The following CACNA2D2 variants were observed in gnomAD, a reference collection of about 807,000 sequenced individuals.
The protein encoded by CACNA2D2 is calcium voltage-gated channel auxiliary subunit alpha2delta 2.
Under a neutral mutation model 166.4 loss-of-function variants are expected in CACNA2D2, and 48 were observed. The ratio of observed to expected loss-of-function variants is 0.29; its 90% CI spans 0.23 to 0.37. CACNA2D2 has a LOEUF of 0.37. Ranked by LOEUF, CACNA2D2 falls within the 10% of genes least tolerant of loss-of-function variation. The probability of loss-of-function intolerance (pLI) is 1.00; values close to 1 mark genes in which losing one functional copy is unlikely to be tolerated. For missense variants in CACNA2D2, 1,122 were observed against 1,433.0 expected (o/e 0.78, Z 3.50); for synonymous variants, 561 against 573.7 (o/e 0.98, Z 0.32).
At chr3:50,404,909 C>T (rs1012492454) in intron 3 of CACNA2D2, among the ~76,000 whole-genome samples, 25 of 152,166 alleles carry the variant, frequency 1.6e-4, no homozygotes, top group African/African-American at 6.0e-4. Context: ...ATTTAGGGTG[C>T]TAGGAAGCTC....
At chr3:50,444,481 T>C (rs1324304784) in intron 2 of CACNA2D2, among the ~76,000 whole-genome samples, 1 of 152,220 alleles carries the variant, frequency 6.6e-6, no homozygotes, top group African/African-American at 2.4e-5. Context: ...CTGGCATTCC[T>C]TAAAGATGGA....
chr3:50,365,142 AAAGAG>A lies in CACNA2D2; in HGVS notation c.3136_3140del (p.Leu1046CysfsTer30). ...TGCACAGCGGCTTCTCGGCCACCAC[AAAGAG>A]AAGATTGGTGTTGGTCAGTCTCTGC... On this transcript the variant is annotated frameshift_variant, in exon 36 of 38. Transcript: ENST00000424201. LOFTEE classifies it high-confidence loss of function. The surrounding 1 kb of genome is among the most constrained non-coding windows in gnomAD (Gnocchi z 4.5). The A allele has an allele frequency of 6.2e-7, 1 of 1,612,074 alleles. No homozygotes were observed. Among genetic ancestry groups the A allele is most frequent in the Non-Finnish European group, 8.5e-7 (1 of 1,179,660 alleles).
At chr3:50,488,449 C>T (rs769056902) in intron 1 of CACNA2D2, among the ~76,000 whole-genome samples, 27 of 152,094 alleles carry the variant, frequency 1.8e-4, no homozygotes, top group Non-Finnish European at 3.7e-4. Flanking sequence ...GAGCCTCTTC[C>T]CCCCGGCATC....
intron 2 of CACNA2D2, among the ~76,000 whole-genome samples, chr3:50,458,164 T>C (rs985576376): frequency 6.6e-6 from 1 of 152,216 alleles, no homozygotes; most frequent in African/African-American, 2.4e-5. Context: ...AGCAAAGCCC[T>C]TCCCCGCTGC....
chr3:50,391,241 G>A (rs1027075794), intron 4 of CACNA2D2, among the ~76,000 whole-genome samples: 2 of 152,198 alleles, frequency 1.3e-5, no homozygotes, highest in African/African-American at 4.8e-5. Context: ...CCCAGGGGAG[G>A]GCTGTCTCTT....
At chr3:50,399,490 T>G (rs1349428674) in intron 3 of CACNA2D2, among the ~76,000 whole-genome samples, 1 of 152,082 alleles carries the variant, frequency 6.6e-6, no homozygotes, top group Non-Finnish European at 1.5e-5. Context: ...GGGTGGAGGC[T>G]GGGGGTAGTA....
rs1343864972 is a variant in CACNA2D2 at position 50,379,481 on chromosome 3, G to C, written c.1103C>G (p.Thr368Ser). Residue 368 changes from threonine to serine, a missense_variant, in exon 11 of 38, where the codon ACC becomes AGC. Physicochemically the swap from Thr to Ser is moderately conservative, Grantham distance 58 (BLOSUM62 1). Coordinates refer to ENST00000424201, the MANE Select transcript of CACNA2D2 (RefSeq NM_006030.4). The surrounding 1 kb of genome is among the most constrained non-coding windows in gnomAD (Gnocchi z 6.5). ...CTCAAAGCCGGCCTTGTAGCCTGTG[G>C]TGCCCTTGGCCACCATGCCCTGCAC... ...EAVQGMVAKG[T>S]TGYKAGFEYA... The C allele has an allele frequency of 6.2e-7, 1 of 1,613,836 alleles. No homozygotes were observed. The highest frequency in any genetic ancestry group is 8.5e-7 in the Non-Finnish European group (1 of 1,180,028).
Position 50,367,706 on chromosome 3 carries a change from T to C in CACNA2D2, c.2235-2A>G. On this transcript the variant is annotated splice_acceptor_variant, in intron 25 of 37. Coordinates refer to ENST00000424201, the MANE Select transcript of CACNA2D2 (RefSeq NM_006030.4). LOFTEE classifies it high-confidence loss of function. This position sits in a 1 kb window ranked among gnomAD's most constrained non-coding sequence, Gnocchi z 6.5. ...GCGAACACGGCCAGTAGGCTGTACC[T>C]GGGGGTAGCAGGGGGGTGGGGTCAC... is the stretch of plus-strand genomic sequence containing the variant. 6.2e-7 allele frequency: 1 copy of C among 1,612,232 alleles called. No individual in the cohort carries two copies. Among genetic ancestry groups the C allele is most frequent in the Non-Finnish European group, 8.5e-7 (1 of 1,179,020 alleles).
chr3:50,485,561 G>A (rs1041456374), intron 1 of CACNA2D2, among the ~76,000 whole-genome samples: 1 of 152,154 alleles, frequency 6.6e-6, no homozygotes, highest in Non-Finnish European at 1.5e-5. Flanking sequence ...CTGGATTCGG[G>A]GCCCATGGGG....
At chr3:50,454,618 A>C (rs1472387572) in intron 2 of CACNA2D2, among the ~76,000 whole-genome samples, 1 of 152,244 alleles carries the variant, frequency 6.6e-6, no homozygotes, top group Non-Finnish European at 1.5e-5. Context: ...TCAGCCCGGG[A>C]GATTAGCAGT....
At chr3:50,456,264 T>A (rs1709354786) in intron 2 of CACNA2D2, among the ~76,000 whole-genome samples, 1 of 152,174 alleles carries the variant, frequency 6.6e-6, no homozygotes, top group African/African-American at 2.4e-5. Flanking sequence ...TAGCCTGAGT[T>A]CTGGTTGGCT....
rs200816734 is a variant in CACNA2D2 at position 50,377,473 on chromosome 3, G to A, written c.1620C>T (p.Asn540=). 3.7e-5 allele frequency: 60 copies of A among 1,612,724 alleles called. No individual in the cohort carries two copies. In the East Asian group the frequency reaches 1.3e-3, roughly 34 times the overall value. The part of the protein sequence containing the change: ...ALNDIKRLTP[N]YTLGANGYVF... ...TGGGCAGGGGGATGCTCACCGTGTA[G>A]TTGGGGGTCAGCCTCTTGATGTCAT... is the stretch of plus-strand genomic sequence containing the variant. Residue 540 remains asparagine (N), a synonymous_variant, in exon 17 of 38, where the codon AAC becomes AAT. Coordinates refer to ENST00000424201, the MANE Select transcript of CACNA2D2 (RefSeq NM_006030.4).
intron 6 of CACNA2D2, among the ~76,000 whole-genome samples, chr3:50,382,378 A>G (rs1180216064): frequency 6.6e-6 from 1 of 152,208 alleles, no homozygotes; most frequent in Non-Finnish European, 1.5e-5. Context: ...AAAGGTAGAA[A>G]GCATGATTTA....
Position 50,366,448 on chromosome 3 carries a change from G to T in CACNA2D2, c.2638-110C>A. 1 of 1,459,238 alleles carries T rather than the reference G, an allele frequency of 6.9e-7. No individual in the cohort carries two copies. The highest frequency in any genetic ancestry group is 1.1e-5 in the South Asian group (1 of 87,788). 90.4% of individuals were successfully genotyped at this position (1,459,238 alleles called of 1,614,324 possible). A position where few individuals can be genotyped will look rare whatever the true frequency, so the allele number is the denominator to read the frequency against. The stretch of plus-strand genomic sequence containing the variant: ...GGGGGCATCACTCCCCCAGTCCTGG[G>T]AAGGCTGTGAAGTCAGGGTGGGGAT... On this transcript the variant is annotated intron_variant, in intron 30 of 37. Coordinates refer to ENST00000424201, the MANE Select transcript of CACNA2D2 (RefSeq NM_006030.4). The surrounding 1 kb of genome is among the most constrained non-coding windows in gnomAD (Gnocchi z 5.9).
rs1269609041 is a variant in CACNA2D2 at position 50,375,934 on chromosome 3, C to T, written c.1773+29G>A. The T allele has an allele frequency of 1.2e-6, 2 of 1,612,928 alleles. No individual in the cohort carries two copies. The highest frequency in any genetic ancestry group is 1.7e-5 in the Admixed American group (1 of 60,022). On this transcript the variant is annotated intron_variant, in intron 19 of 37. Coordinates refer to ENST00000424201, the MANE Select transcript of CACNA2D2 (RefSeq NM_006030.4). The surrounding 1 kb of genome is among the most constrained non-coding windows in gnomAD (Gnocchi z 4.0). ...GGCCCCTACACTCCTCTGCTCTGTC[C>T]CCCACCCCTGTTCTCCTCCTCTCCT...
chr3:50,404,396 T>C (rs1004532574), intron 3 of CACNA2D2, among the ~76,000 whole-genome samples: 3 of 151,998 alleles, frequency 2.0e-5, no homozygotes, highest in Non-Finnish European at 4.4e-5. Flanking sequence ...AGTAATAACA[T>C]GGTTATTAGC....
At chr3:50,480,453 T>C (rs1697995280) in intron 1 of CACNA2D2, among the ~76,000 whole-genome samples, 1 of 151,654 alleles carries the variant, frequency 6.6e-6, no homozygotes. Context: ...GGACATCTTC[T>C]ATGAAAGCTT....
In CACNA2D2 at chr3:50,363,472, G is replaced by T; in HGVS notation, c.*1194C>A. 1 of 371,892 alleles carries T rather than the reference G, an allele frequency of 2.7e-6. No individual in the cohort carries two copies. The allele number at this position is 371,892 out of a possible 1,614,324, so 23.0% of individuals were successfully genotyped here. On this transcript the variant is annotated 3_prime_UTR_variant, in exon 38 of 38. Transcript: ENST00000424201. ...AGCTGTGCCCAGTCCCCACCTGTGT[G>T]TGTGTGTGTGTGTGTGTGTTCAGCA...
At position 50,412,614 on chromosome 3, in the gene CACNA2D2, G is replaced by A. The variant is rs193033002; in HGVS notation, c.406-18446C>T. On this transcript the variant is annotated intron_variant, in intron 3 of 37. Coordinates refer to ENST00000424201, the MANE Select transcript of CACNA2D2 (RefSeq NM_006030.4). ...TTTTTCTTTTCTTTTTTTTGCAGGG[G>A]GTGGGGAGGGAGAGGATAGGGGTGG... Among the ~76,000 whole-genome samples, 584 of 152,058 alleles carry A rather than the reference G, an allele frequency of 3.8e-3. 2 individuals are homozygous for A. The highest frequency in any genetic ancestry group is 6.7e-3 in the Non-Finnish European group (455 of 67,980).
Sources: gnomAD v4.1 joint callset for allele counts (sites outside exome capture counted in the v4.1 genomes callset) on GRCh38, gnomAD v4.1.1 for gene constraint, Gnocchi (gnomAD v3.1) non-coding constraint, MANE v1.5 for transcripts, NCBI Gene and HGNC (gene_info 2026-07-23, HGNC 2026-07-21) for gene names.